SLC7A7: variants seen among roughly 807,000 people sequenced by gnomAD.
The protein encoded by SLC7A7 is Y+L amino acid transporter 1.
In SLC7A7, 39 loss-of-function variants were observed where a neutral mutation model predicts 47.9. The observed-to-expected ratio is 0.81, with a 90% confidence interval of 0.63 to 1.06. SLC7A7 has a LOEUF of 1.06. Among genes scored for constraint, SLC7A7 ranks in the 50% least tolerant of loss-of-function variants. The pLI, the probability that SLC7A7 is intolerant of heterozygous loss-of-function variation, is 0.00. For synonymous variants in SLC7A7, 234 were observed against 242.8 expected, an observed-to-expected ratio of 0.96 and a Z score of 0.34; for missense variants, 588 against 632.0, an observed-to-expected ratio of 0.93 and a Z score of 0.75.
At chr14:22,818,640 TC>T (rs2039438812), upstream of SLC7A7, among the ~76,000 whole-genome samples, 2 of 150,940 alleles carry the variant, frequency 1.3e-5, no homozygotes, top group Non-Finnish European at 3.0e-5. Context: ...TTTTGCTTTG[TC>T]CCCCAGGCTG....
intron 2 of SLC7A7, among the ~76,000 whole-genome samples, chr14:22,806,072 T>C (rs549311275): frequency 1.4e-3 from 179 of 128,218 alleles, no homozygotes; most frequent in Middle Eastern, 6.8e-3. Flanking sequence ...AGCTGGGATC[T>C]CGGCTCACTG....
At chr14:22,809,391 C>T (rs573088743) in intron 2 of SLC7A7, among the ~76,000 whole-genome samples, 8 of 146,180 alleles carry the variant, frequency 5.5e-5, no homozygotes, top group South Asian at 2.2e-4. Flanking sequence ...CCCAGGCTGG[C>T]GTGCAATGGC....
intron 4 of SLC7A7, among the ~76,000 whole-genome samples, chr14:22,776,792 A>G (rs953433868): frequency 6.6e-6 from 1 of 152,102 alleles, no homozygotes; most frequent in Non-Finnish European, 1.5e-5. Flanking sequence ...ACATGGCAAA[A>G]CCCTGTTCCT....
upstream of SLC7A7, among the ~76,000 whole-genome samples, chr14:22,819,171 G>A (rs1435528136): frequency 6.6e-6 from 1 of 152,018 alleles, no homozygotes; most frequent in East Asian, 1.9e-4. Context: ...TCGGGGTCTT[G>A]GCTCCTCAGC....
intron 2 of SLC7A7, among the ~76,000 whole-genome samples, chr14:22,809,292 T>C (rs1260780017): frequency 2.0e-5 from 3 of 150,338 alleles, no homozygotes; most frequent in African/African-American, 7.4e-5. Context: ...GTTCCTCCTG[T>C]GTCAGCCTCC....
chr14:22,803,007 T>C (rs2039142032), intron 2 of SLC7A7, among the ~76,000 whole-genome samples: 1 of 152,172 alleles, frequency 6.6e-6, no homozygotes, highest in African/African-American at 2.4e-5. Flanking sequence ...ACCTAGCAGA[T>C]ACCAGGCACT....
At chr14:22,809,778 T>A (rs2039273504) in intron 2 of SLC7A7, among the ~76,000 whole-genome samples, 1 of 152,132 alleles carries the variant, frequency 6.6e-6, no homozygotes, top group African/African-American at 2.4e-5. Context: ...CGTGAATGTG[T>A]ACATGGGTGA....
intron 2 of SLC7A7, 49 bp from the exon 3 acceptor site, chr14:22,780,100 G>A (rs756246348): frequency 1.1e-5 from 17 of 1,611,200 alleles, no homozygotes; most frequent in Non-Finnish European, 1.4e-5. Context: ...CCACCCTAGG[G>A]CCTTAGACTC....
chr14:22,800,216 T>G (rs1013929490), intron 2 of SLC7A7, among the ~76,000 whole-genome samples: 2 of 152,218 alleles, frequency 1.3e-5, no homozygotes, highest in Non-Finnish European at 2.9e-5. Flanking sequence ...AATGCCACTC[T>G]TCTGCTTTTA....
intron 2 of SLC7A7, among the ~76,000 whole-genome samples, chr14:22,804,834 A>G (rs2139443111): frequency 6.6e-6 from 1 of 152,086 alleles, no homozygotes; most frequent in East Asian, 1.9e-4. Context: ...CTCTAACAAT[A>G]CAAAATTAGC....
At chr14:22,783,087 C>G (rs976435739) in intron 2 of SLC7A7, among the ~76,000 whole-genome samples, 22 of 151,806 alleles carry the variant, frequency 1.4e-4, no homozygotes, top group African/African-American at 5.1e-4. Flanking sequence ...GTGCCCACCA[C>G]CACACCTGGC....
intron 2 of SLC7A7, among the ~76,000 whole-genome samples, chr14:22,790,998 CAAA>C (rs34516291): frequency 6.2e-5 from 7 of 113,244 alleles, no homozygotes; most frequent in Middle Eastern, 4.2e-3. Context: ...CTCCGTCTCA[CAAA>C]AAAAAAAAAA....
chr14:22,817,809 T>C (rs1362807238), upstream of SLC7A7, among the ~76,000 whole-genome samples: 1 of 152,074 alleles, frequency 6.6e-6, no homozygotes, highest in African/African-American at 2.4e-5. Context: ...ATTATCTACA[T>C]GAATTACCTG....
At chr14:22,783,627 C>G (rs1433995131) in intron 2 of SLC7A7, among the ~76,000 whole-genome samples, 8 of 151,858 alleles carry the variant, frequency 5.3e-5, no homozygotes, top group South Asian at 2.1e-4. Flanking sequence ...TCTCAAACTC[C>G]TGACCTCAGG....
At chr14:22,785,202 C>T (rs552961728) in intron 2 of SLC7A7, among the ~76,000 whole-genome samples, 2 of 151,796 alleles carry the variant, frequency 1.3e-5, no homozygotes, top group Non-Finnish European at 2.9e-5. Flanking sequence ...CATTTGAACC[C>T]GGGAGGCAGA....
At chr14:22,802,698 A>G (rs1266597681) in intron 2 of SLC7A7, among the ~76,000 whole-genome samples, 2 of 152,118 alleles carry the variant, frequency 1.3e-5, no homozygotes, top group Non-Finnish European at 2.9e-5. Flanking sequence ...CTGGATTGCT[A>G]CAAGAGCTTC....
At chr14:22,803,641 G>A (rs2039153580) in intron 2 of SLC7A7, among the ~76,000 whole-genome samples, 2 of 152,302 alleles carry the variant, frequency 1.3e-5, no homozygotes, top group Admixed American at 1.3e-4. Flanking sequence ...CAGTGTAGCT[G>A]GAGCAGACAA....
intron 2 of SLC7A7, among the ~76,000 whole-genome samples, chr14:22,782,610 T>C (rs1364564859): frequency 6.6e-6 from 1 of 150,712 alleles, no homozygotes; most frequent in Admixed American, 6.6e-5. Flanking sequence ...TACAGGTGTG[T>C]GCCACCATGC....
chr14:22,800,656 C>T (rs1011152304), intron 2 of SLC7A7, among the ~76,000 whole-genome samples: 19 of 147,214 alleles, frequency 1.3e-4, no homozygotes, highest in Non-Finnish European at 2.7e-4. Flanking sequence ...TAAAGAAGGC[C>T]GGGTGCGGTG....
Sources: allele counts gnomAD v4.1 joint callset (sites outside exome capture counted in the v4.1 genomes callset), GRCh38; gene constraint gnomAD v4.1.1; transcripts MANE v1.5; gene names NCBI Gene and HGNC (gene_info 2026-07-23, HGNC 2026-07-21).